ACTN2: variants seen among roughly 807,000 people sequenced by gnomAD.
ACTN2 encodes actinin alpha 2.
A neutral mutation model predicts 113.8 loss-of-function variants in ACTN2; 39 were observed. The ratio of observed to expected loss-of-function variants is 0.34; its 90% CI spans 0.27 to 0.45. The LOEUF is 0.45. ACTN2 is among the 20% of genes least tolerant of loss of function. The pLI, the probability that ACTN2 is intolerant of heterozygous loss-of-function variation, is 1.00. For missense variants in ACTN2, 992 were observed against 1,177.9 expected, an observed-to-expected ratio of 0.84 and a Z score of 2.31; for synonymous variants, 429 against 444.1, an observed-to-expected ratio of 0.97 and a Z score of 0.43.
At chr1:236,709,977 GA>G (rs1208460157) in intron 1 of ACTN2, among the ~76,000 whole-genome samples, 1 of 152,200 alleles carries the variant, frequency 6.6e-6, no homozygotes, top group Non-Finnish European at 1.5e-5. Flanking sequence ...GGAGAAAATG[GA>G]ATGATGAAGG....
In ACTN2 at chr1:236,739,430, G is replaced by A. The variant is rs1558241433; in HGVS notation, c.1005G>A (p.Val335=). Residue 335 remains valine, a synonymous_variant, in exon 10 of 21, where the codon GTG becomes GTA. Transcript: ENST00000366578. ...DYRRKHKPPK[V]QEKCQLEINF... The stretch of plus-strand genomic sequence containing the variant: ...GCCGGAAGCACAAGCCACCCAAGGT[G>A]CAGGAGAAATGCCAGCTGGAGATCA... 1.2e-6 allele frequency: 2 copies of A among 1,614,130 alleles called. No individual in the cohort carries two copies. The highest frequency in any genetic ancestry group is 3.3e-5 in the Admixed American group (2 of 60,014).
At chr1:236,703,160 C>T (rs1558224688) in intron 1 of ACTN2, among the ~76,000 whole-genome samples, 1 of 152,116 alleles carries the variant, frequency 6.6e-6, no homozygotes, top group Non-Finnish European at 1.5e-5. Flanking sequence ...ACATCTTGCA[C>T]GTAATTACCC....
intron 1 of ACTN2, among the ~76,000 whole-genome samples, chr1:236,698,420 A>G (rs1657581909): frequency 1.3e-5 from 2 of 152,222 alleles, no homozygotes; most frequent in Admixed American, 1.3e-4. Flanking sequence ...AGAAAACCGT[A>G]ATCCACTTAG....
intron 6 of ACTN2, among the ~76,000 whole-genome samples, 162 bp downstream of exon 6, chr1:236,727,918 A>C (rs551124061): frequency 2.6e-5 from 4 of 152,154 alleles, no homozygotes; most frequent in Non-Finnish European, 5.9e-5. Context: ...CCATGATCCA[A>C]GTATGAAGAG....
intron 2 of ACTN2, among the ~76,000 whole-genome samples, chr1:236,718,685 G>A (rs1658292927): frequency 1.3e-5 from 2 of 152,202 alleles, no homozygotes; most frequent in African/African-American, 2.4e-5. Context: ...GTCCTTCATA[G>A]TATGGCTCCC....
At chr1:236,702,982 G>A (rs544799086) in intron 1 of ACTN2, among the ~76,000 whole-genome samples, 1 of 152,292 alleles carries the variant, frequency 6.6e-6, no homozygotes, top group East Asian at 1.9e-4. Flanking sequence ...TGCTGTCTGT[G>A]TAGTACAAGC....
intron 2 of ACTN2, among the ~76,000 whole-genome samples, chr1:236,718,261 C>G (rs370962721): frequency 2.0e-5 from 3 of 152,352 alleles, no homozygotes; most frequent in East Asian, 3.9e-4. Context: ...CCATGCTGCC[C>G]TTTCTACTCT....
chr1:236,745,813 A>T (rs1468898703), intron 12 of ACTN2, among the ~76,000 whole-genome samples: 1 of 152,200 alleles, frequency 6.6e-6, no homozygotes, highest in Non-Finnish European at 1.5e-5. Flanking sequence ...CTGTCACATA[A>T]TGGTAACTTC....
chr1:236,703,063 C>T (rs958636124), intron 1 of ACTN2, among the ~76,000 whole-genome samples: 22 of 152,028 alleles, frequency 1.4e-4, no homozygotes, highest in African/African-American at 5.1e-4. Context: ...TGAATTCATC[C>T]CTAAGAAGAG....
intron 10 of ACTN2, among the ~76,000 whole-genome samples, chr1:236,741,908 T>C (rs1252773050): frequency 6.6e-6 from 1 of 152,226 alleles, no homozygotes; most frequent in African/African-American, 2.4e-5. Context: ...AGGGCCTGCA[T>C]GCTTGCCAAA....
At chr1:236,737,075 G>A (rs752125868) in intron 8 of ACTN2, 47 bp from the exon 9 acceptor site, 13 of 1,488,968 alleles carry the variant, frequency 8.7e-6, no homozygotes, top group South Asian at 3.4e-5. Context: ...CTGTGTGTGC[G>A]CATTCCCGTC....
At chr1:236,718,479 C>T (rs991519800) in intron 2 of ACTN2, among the ~76,000 whole-genome samples, 2 of 152,198 alleles carry the variant, frequency 1.3e-5, no homozygotes, top group African/African-American at 2.4e-5. Flanking sequence ...TGCCCTGATC[C>T]ATCTGTCTTC....
At chr1:236,694,114 T>C (rs533081699) in intron 1 of ACTN2, among the ~76,000 whole-genome samples, 1 of 152,298 alleles carries the variant, frequency 6.6e-6, no homozygotes, top group South Asian at 2.1e-4. Context: ...GGTCACCTGA[T>C]GCTCTGTCTC....
intron 20 of ACTN2, among the ~76,000 whole-genome samples, chr1:236,762,150 TC>T (rs1468551684): frequency 6.6e-6 from 1 of 152,226 alleles, no homozygotes; most frequent in Non-Finnish European, 1.5e-5. Context: ...AAAAGCTTCA[TC>T]TTTTCTGGTA....
At chr1:236,711,955 C>G (rs984475755) in intron 1 of ACTN2, among the ~76,000 whole-genome samples, 3 of 152,140 alleles carry the variant, frequency 2.0e-5, no homozygotes, top group Non-Finnish European at 4.4e-5. Context: ...GTATCTGATT[C>G]AGTAAAGCAA....
At chr1:236,733,303 G>A (rs1658764819) in intron 7 of ACTN2, among the ~76,000 whole-genome samples, 1 of 152,190 alleles carries the variant, frequency 6.6e-6, no homozygotes, top group Non-Finnish European at 1.5e-5. Flanking sequence ...CTGGGGATGA[G>A]TTTCCTATTC....
intron 14 of ACTN2, 115 bp downstream of exon 14, chr1:236,749,379 G>A (rs1558246260): frequency 7.0e-7 from 1 of 1,431,272 alleles, no homozygotes; most frequent in Non-Finnish European, 9.6e-7. Flanking sequence ...ATTAACAAAT[G>A]TGGCTAGAAA....
chr1:236,727,455 C>T (rs779751457), intron 5 of ACTN2, among the ~76,000 whole-genome samples: 2 of 152,104 alleles, frequency 1.3e-5, no homozygotes, highest in Admixed American at 6.6e-5. Context: ...GGGCAGGAGA[C>T]AGGGCAAGTC....
chr1:236,732,368 C>A (rs1332056852), intron 7 of ACTN2, among the ~76,000 whole-genome samples: 1 of 152,150 alleles, frequency 6.6e-6, no homozygotes, highest in Non-Finnish European at 1.5e-5. Context: ...TCAGTCCAAT[C>A]TCTCCCTCTG....
Sources: allele counts gnomAD v4.1 joint callset (sites outside exome capture counted in the v4.1 genomes callset), GRCh38; gene constraint gnomAD v4.1.1; transcripts MANE v1.5; gene names NCBI Gene and HGNC (gene_info 2026-07-23, HGNC 2026-07-21).